The following IQSEC3 variants were observed in gnomAD, a reference collection of about 807,000 sequenced individuals.
IQSEC3 encodes IQ motif and Sec7 domain ArfGEF 3.
IQSEC3 carries 50 observed loss-of-function variants against 105.4 expected under a neutral mutation model. The observed-to-expected ratio is 0.47, with a 90% confidence interval of 0.38 to 0.60. The LOEUF is 0.60. Ranked by LOEUF, IQSEC3 falls within the 20% of genes least tolerant of loss-of-function variation. The pLI is 0.00. For synonymous variants in IQSEC3, 708 were observed against 746.0 expected (o/e 0.95, Z 0.83); for missense variants, 1,415 against 1,630.0 (o/e 0.87, Z 2.27).
chr12:138,756 G>T lies in IQSEC3; in HGVS notation c.1393G>T (p.Asp465Tyr). Residue 465 changes from aspartate to tyrosine, a missense_variant, in exon 4 of 14, where the codon GAT becomes TAT. Asp to Tyr is a radical substitution (Grantham distance 160). Transcript: ENST00000538872. The surrounding 1 kb of genome is among the most constrained non-coding windows in gnomAD (Gnocchi z 7.1). ...APESAGPGPG[D>Y]DAAETPGLPP... ...GGAGAGCGCGGGCCCCGGGCCCGGG[G>T]ATGACGCCGCGGAGACCCCCGGCCT... is the stretch of plus-strand genomic sequence containing the variant. The T allele has an allele frequency of 6.4e-7, 1 of 1,557,764 alleles. No individual in the cohort carries two copies. Among genetic ancestry groups the T allele is most frequent in the South Asian group, 1.2e-5 (1 of 85,500 alleles).
chr12:160,752 G>C (rs1866860116), intron 7 of IQSEC3, among the ~76,000 whole-genome samples: 1 of 152,220 alleles, frequency 6.6e-6, no homozygotes, highest in Admixed American at 6.5e-5. Context: ...TTTGGTGGCT[G>C]TGTGGTGTTT....
intron 13 of IQSEC3, 82 bp from the exon 14 acceptor site, chr12:174,517 G>A (rs1939167795): frequency 1.6e-6 from 2 of 1,289,252 alleles, no homozygotes; most frequent in South Asian, 1.6e-5. Context: ...AGGGAGGCCA[G>A]GGGAGGCACA....
At chr12:154,639 G>GGCCGCTCCAT (rs1565440340) in intron 5 of IQSEC3, among the ~76,000 whole-genome samples, 1 of 152,114 alleles carries the variant, frequency 6.6e-6, no homozygotes, top group African/African-American at 2.4e-5. Flanking sequence ...GGTGGCATCT[G>GGCCGCTCCAT]GCCGCTCCAT....
chr12:66,849 A>AGGCGCAGGCAG lies in IQSEC3; in HGVS notation c.-24_-14dup. ...CCCTCGCGCTCCCCGCCGCCAGCCC[A>AGGCGCAGGCAG]GGCGCAGGCAGGGCGCAGGCGGCGG... On this transcript the variant is annotated 5_prime_UTR_variant, in exon 1 of 14. Coordinates refer to ENST00000538872, the MANE Select transcript of IQSEC3 (RefSeq NM_001170738.2). The AGGCGCAGGCAG allele has an allele frequency of 7.3e-7, 1 of 1,367,578 alleles. No individual in the cohort carries two copies. Among genetic ancestry groups the AGGCGCAGGCAG allele is most frequent in the Non-Finnish European group, 9.4e-7 (1 of 1,063,742 alleles). 84.7% of individuals were successfully genotyped at this position (1,367,578 alleles called of 1,614,324 possible).
At chr12:139,979 C>T (rs1009131761) in intron 4 of IQSEC3, 32 of 152,322 alleles carry the variant, frequency 2.1e-4, no homozygotes, top group African/African-American at 7.7e-4. Flanking sequence ...ACAGCCAGTC[C>T]CAAGCAGAGG....
intron 2 of IQSEC3, among the ~76,000 whole-genome samples, chr12:105,042 G>T (rs907609168): frequency 6.6e-6 from 1 of 152,254 alleles, no homozygotes; most frequent in Non-Finnish European, 1.5e-5. Context: ...AGCGTGGGTC[G>T]GTCGGGCGGT....
In IQSEC3 at chr12:164,290, G is replaced by C. The variant is rs548175722; in HGVS notation, c.2709+671G>C. Reference sequence around the variant, plus strand: ...ACCTCTCACCACCTCCACTACTACAGTCTTAGTGCACGCCTGGTACATTCA... The same window carrying C: ...ACCTCTCACCACCTCCACTACTACACTCTTAGTGCACGCCTGGTACATTCA... On this transcript the variant is annotated intron_variant, in intron 9 of 13. Transcript: ENST00000538872. 1.4e-4 allele frequency among the ~76,000 whole-genome samples: 22 copies of C among 152,258 alleles called. 1 individual carries two copies. In the East Asian group the frequency reaches 4.3e-3, roughly 29 times the overall value.
intron 2 of IQSEC3, among the ~76,000 whole-genome samples, chr12:116,869 CGACACAAATTCAG>C (rs1399630354): frequency 6.6e-6 from 1 of 152,118 alleles, no homozygotes; most frequent in Non-Finnish European, 1.5e-5. Flanking sequence ...AGGGAAGGAC[CGACACAAATTCAG>C]GACAGGGATT....
chr12:104,291 C>G (rs1864566322), intron 2 of IQSEC3, among the ~76,000 whole-genome samples: 1 of 152,178 alleles, frequency 6.6e-6, no homozygotes, highest in Non-Finnish European at 1.5e-5. Context: ...CACACAACGT[C>G]TTTTCAAAGA....
intron 2 of IQSEC3, among the ~76,000 whole-genome samples, chr12:109,667 C>T (rs782256774): frequency 3.9e-5 from 6 of 152,280 alleles, no homozygotes; most frequent in East Asian, 3.9e-4. Context: ...CCGCACTGCA[C>T]CCTTTCCCAG....
chr12:85,856 T>C (rs569193502), intron 1 of IQSEC3, among the ~76,000 whole-genome samples: 22 of 152,358 alleles, frequency 1.4e-4, no homozygotes, highest in African/African-American at 3.6e-4. Context: ...GGTCTGTGTC[T>C]CTAGCATGTG....
chr12:141,055 G>C (rs1866000353), intron 4 of IQSEC3, 69 bp from the exon 5 acceptor site: 1 of 1,473,540 alleles, frequency 6.8e-7, no homozygotes, highest in Admixed American at 1.9e-5. Flanking sequence ...ATGGGTGGAA[G>C]ACAGGGAGGA....
rs781803323 is a variant in IQSEC3, at chr12:171,145, C to T, written c.3098C>T (p.Ala1033Val). ...GAAGCCGCGCTCAGGGAGAGGCCGG[C>T]GGAGAGCACGGTGGAGGTAAGTGGA... Reference protein sequence around the residue: ...KREAALRERPAESTVEVSIHN... With the variant: ...KREAALRERPVESTVEVSIHN... Residue 1033 changes from alanine to valine, a missense_variant, in exon 13 of 14, where the codon GCG becomes GTG. Physicochemically the swap from Ala to Val is moderately conservative, Grantham distance 64 (BLOSUM62 0). Around this residue, in one of 6 missense-constraint regions of IQSEC3, gnomAD observed 419 missense variants for 436.2 expected, o/e 0.96. Coordinates refer to ENST00000538872, the MANE Select transcript of IQSEC3 (RefSeq NM_001170738.2). 1.4e-5 allele frequency: 22 copies of T among 1,613,926 alleles called. No homozygotes were observed. Among genetic ancestry groups the T allele is most frequent in the Middle Eastern group, 1.6e-4 (1 of 6,078 alleles).
rs573636911 is a variant in IQSEC3, at chr12:80,808, A to G, written c.554+13372A>G. Among the ~76,000 whole-genome samples the G allele has an allele frequency of 2.8e-3, 434 of 152,286 alleles. 2 individuals are homozygous for G. The highest frequency in any genetic ancestry group is 4.4e-3 in the Non-Finnish European group (301 of 68,026). On this transcript the variant is annotated intron_variant, in intron 1 of 13. Transcript: ENST00000538872. ...CACTTTCAAACTGGGTGCCCTGGGG[A>G]GACAGCACCTGAGCAAAGTCCTGGA...
At chr12:151,107 TCTC>T (rs373198121) in intron 5 of IQSEC3, among the ~76,000 whole-genome samples, 2 of 126,468 alleles carry the variant, frequency 1.6e-5, no homozygotes, top group African/African-American at 3.0e-5. Context: ...AGACTCCGTC[TCTC>T]CTCCAGCGTG....
At chr12:69,204 C>T (rs746936658) in intron 1 of IQSEC3, among the ~76,000 whole-genome samples, 8 of 152,266 alleles carry the variant, frequency 5.3e-5, no homozygotes, top group Non-Finnish European at 8.8e-5. Context: ...CCCACTGCAA[C>T]TCCACTTTCT....
At chr12:155,253 A>G (rs1481253707) in intron 5 of IQSEC3, among the ~76,000 whole-genome samples, 1 of 152,074 alleles carries the variant, frequency 6.6e-6, no homozygotes, top group African/African-American at 2.4e-5. Context: ...CTCAACCTCA[A>G]ATGCCCTGAT....
At chr12:144,805 C>T (rs115473637) in intron 5 of IQSEC3, among the ~76,000 whole-genome samples, 41 of 152,380 alleles carry the variant, frequency 2.7e-4, no homozygotes, top group African/African-American at 9.6e-4. Context: ...GCTCAAAGAG[C>T]CACACCCATT....
At chr12:173,802 T>A (rs1030266093) in intron 13 of IQSEC3, among the ~76,000 whole-genome samples, 3 of 152,112 alleles carry the variant, frequency 2.0e-5, no homozygotes, top group Non-Finnish European at 4.4e-5. Flanking sequence ...CTCCCGCTGG[T>A]AGCAAGGGGA....
Sources: gnomAD v4.1 joint callset for allele counts (sites outside exome capture counted in the v4.1 genomes callset) on GRCh38, gnomAD v4.1.1 for gene constraint, gnomAD v4.1.1 regional missense constraint, Gnocchi (gnomAD v3.1) non-coding constraint, MANE v1.5 for transcripts, NCBI Gene and HGNC (gene_info 2026-07-23, HGNC 2026-07-21) for gene names.